ROBO1: variants seen among roughly 807,000 people sequenced by gnomAD.
The protein encoded by ROBO1 is roundabout homolog 1.
Under a neutral mutation model 195.9 loss-of-function variants are expected in ROBO1, and 149 were observed. The ratio of observed to expected loss-of-function variants is 0.76; its 90% confidence interval spans 0.67 to 0.87. The LOEUF (loss-of-function observed/expected upper bound fraction) is 0.87, where lower values mean the gene tolerates loss of function less well. Ranked by LOEUF, ROBO1 falls within the 40% of genes least tolerant of loss-of-function variation. The probability of loss-of-function intolerance (pLI) is 0.00; values close to 1 mark genes in which losing one functional copy is unlikely to be tolerated. For synonymous variants in ROBO1, 816 were observed against 733.2 expected (o/e 1.11, Z -1.82); for missense variants, 1,933 against 2,068.3 (o/e 0.93, Z 1.27).
At chr3:79,552,000 A>AAAAAAAAAAC (rs1559986278) in intron 2 of ROBO1, among the ~76,000 whole-genome samples, 2 of 143,562 alleles carry the variant, frequency 1.4e-5, no homozygotes, top group African/African-American at 2.7e-5. Context: ...AAAAAAAAAA[A>AAAAAAAAAAC]AAAAAAAAAA....
intron 3 of ROBO1, among the ~76,000 whole-genome samples, chr3:79,032,150 T>C (rs116200906): frequency 0.016 from 2,426 of 152,146 alleles, 78 homozygotes; most frequent in African/African-American, 0.055. Context: ...AGAATCATAG[T>C]TGTTTAAAGC....
chr3:79,387,336 A>C (rs545890237), intron 2 of ROBO1, among the ~76,000 whole-genome samples: 1 of 152,020 alleles, frequency 6.6e-6, no homozygotes, highest in Middle Eastern at 3.2e-3. Context: ...ACATTAAAAA[A>C]TGAAAAACAA....
At chr3:78,907,920 A>G (rs187710001) in intron 4 of ROBO1, among the ~76,000 whole-genome samples, 2 of 152,098 alleles carry the variant, frequency 1.3e-5, no homozygotes, top group East Asian at 3.9e-4. Flanking sequence ...ATAACAATAA[A>G]ATTTCTAAGC....
At chr3:79,762,885 G>T (rs1704787964) in intron 1 of ROBO1, among the ~76,000 whole-genome samples, 1 of 151,958 alleles carries the variant, frequency 6.6e-6, no homozygotes, top group Non-Finnish European at 1.5e-5. Context: ...AGGAGAAGAG[G>T]TGAAGTTCAA....
intron 3 of ROBO1, among the ~76,000 whole-genome samples, chr3:79,094,395 A>G (rs2079529057): frequency 6.6e-6 from 1 of 152,148 alleles, no homozygotes; most frequent in African/African-American, 2.4e-5. Flanking sequence ...TATAAGTCAG[A>G]AAGATTAATT....
At chr3:79,356,827 A>G (rs1174379890) in intron 2 of ROBO1, among the ~76,000 whole-genome samples, 1 of 152,212 alleles carries the variant, frequency 6.6e-6, no homozygotes, top group African/African-American at 2.4e-5. Context: ...GGGCAGGTTC[A>G]TCAGATCAAC....
intron 1 of ROBO1, among the ~76,000 whole-genome samples, chr3:79,747,087 T>C (rs766955402): frequency 2.6e-5 from 4 of 152,042 alleles, no homozygotes; most frequent in Non-Finnish European, 5.9e-5. Context: ...GAATATAAAC[T>C]CACTTTCATT....
intron 2 of ROBO1, among the ~76,000 whole-genome samples, chr3:79,568,180 C>G (rs1426647653): frequency 6.6e-6 from 1 of 151,962 alleles, no homozygotes; most frequent in Non-Finnish European, 1.5e-5. Context: ...CAGTTAACAA[C>G]AACAACAACA....
At chr3:79,037,389 A>G (rs1281829922) in intron 3 of ROBO1, among the ~76,000 whole-genome samples, 2 of 152,124 alleles carry the variant, frequency 1.3e-5, no homozygotes. Context: ...TATAAATGCA[A>G]CTGACATCTA....
intron 2 of ROBO1, among the ~76,000 whole-genome samples, chr3:79,411,907 C>A (rs546338202): frequency 6.6e-6 from 1 of 152,084 alleles, no homozygotes; most frequent in Non-Finnish European, 1.5e-5. Context: ...GAATTGAAAA[C>A]CCTGGTTACT....
chr3:79,094,115 C>T (rs868016281), intron 3 of ROBO1, among the ~76,000 whole-genome samples: 3 of 151,966 alleles, frequency 2.0e-5, no homozygotes, highest in African/African-American at 7.2e-5. Context: ...GCCTGGAGTG[C>T]AAAGATGTTG....
intron 4 of ROBO1, among the ~76,000 whole-genome samples, chr3:78,769,042 T>C (rs188895005): frequency 6.6e-6 from 1 of 152,174 alleles, no homozygotes; most frequent in African/African-American, 2.4e-5. Flanking sequence ...TCTGCAGTTG[T>C]TGGATGAGAT....
At chr3:79,752,066 G>A (rs1704151386) in intron 1 of ROBO1, among the ~76,000 whole-genome samples, 1 of 152,114 alleles carries the variant, frequency 6.6e-6, no homozygotes, top group Non-Finnish European at 1.5e-5. Context: ...AGGGAAACAA[G>A]CCAACACATT....
intron 1 of ROBO1, among the ~76,000 whole-genome samples, chr3:79,756,245 C>G (rs75607665): frequency 6.6e-6 from 1 of 152,026 alleles, no homozygotes; most frequent in African/African-American, 2.4e-5. Flanking sequence ...GACATTGACA[C>G]GCCTCATTAG....
At chr3:78,612,550 G>T (rs146618915) in intron 28 of ROBO1, among the ~76,000 whole-genome samples, 1 of 152,246 alleles carries the variant, frequency 6.6e-6, no homozygotes, top group African/African-American at 2.4e-5. Flanking sequence ...CTTTTATTTA[G>T]TGCATTAACA....
At chr3:78,939,871 G>A (rs529842081) in intron 3 of ROBO1, among the ~76,000 whole-genome samples, 1 of 151,930 alleles carries the variant, frequency 6.6e-6, no homozygotes, top group Non-Finnish European at 1.5e-5. Flanking sequence ...AGGATATTGA[G>A]TGAGGGGCTT....
At chr3:79,706,850 T>C (rs950124365) in intron 1 of ROBO1, among the ~76,000 whole-genome samples, 1 of 152,122 alleles carries the variant, frequency 6.6e-6, no homozygotes, top group East Asian at 1.9e-4. Flanking sequence ...AGCATGAAAA[T>C]GTAGTCACAC....
Position 79,679,002 on chromosome 3 carries a change from C to T in ROBO1, c.-51+88750G>A, listed in dbSNP as rs138393358. ...TAATTTTTTTCTTTTTTTAATTACGCAAATAATGTGTGAAAATATTCTCAT... is the reference window on the plus strand; with the variant it reads ...TAATTTTTTTCTTTTTTTAATTACGTAAATAATGTGTGAAAATATTCTCAT... On this transcript the variant is annotated intron_variant, in intron 1 of 30. Transcript: ENST00000464233. Among the ~76,000 whole-genome samples the T allele has an allele frequency of 8.7e-3, 1,316 of 151,860 alleles. 10 individuals are homozygous for T. Among genetic ancestry groups the T allele is most frequent in the Middle Eastern group, 0.044 (13 of 294 alleles).
intron 1 of ROBO1, among the ~76,000 whole-genome samples, chr3:79,647,496 G>T (rs894058123): frequency 6.6e-6 from 1 of 152,046 alleles, no homozygotes; most frequent in African/African-American, 2.4e-5. Context: ...CTGGGGTAAT[G>T]TTCTCAATTG....
Sources: allele counts gnomAD v4.1 joint callset (sites outside exome capture counted in the v4.1 genomes callset), GRCh38; gene constraint gnomAD v4.1.1; transcripts MANE v1.5; gene names NCBI Gene and HGNC (gene_info 2026-07-23, HGNC 2026-07-21).